Variants in CNIH3 observed in about 807,000 individuals in gnomAD.
CNIH3 encodes protein cornichon homolog 3.
CNIH3 carries 14 observed loss-of-function variants against 24.1 expected under a neutral mutation model. That is an observed-to-expected ratio of 0.58 (90% CI 0.38 to 0.91). CNIH3 has a LOEUF of 0.91. Among genes scored for constraint, CNIH3 ranks in the 40% least tolerant of loss-of-function variants. The probability of loss-of-function intolerance (pLI) is 0.00; values close to 1 mark genes in which losing one functional copy is unlikely to be tolerated. For missense variants in CNIH3, 178 were observed against 196.8 expected (o/e 0.90, Z 0.57); for synonymous variants, 68 against 73.8 (o/e 0.92, Z 0.40).
At chr1:224,712,097 A>G (rs890345535) in intron 3 of CNIH3, among the ~76,000 whole-genome samples, 5 of 152,072 alleles carry the variant, frequency 3.3e-5, no homozygotes, top group African/African-American at 1.2e-4. Context: ...CAGGTGCCAT[A>G]TCTTCCCTGG....
intron 4 of CNIH3, among the ~76,000 whole-genome samples, chr1:224,577,067 G>T (rs1681065724): frequency 6.6e-6 from 1 of 152,140 alleles, no homozygotes; most frequent in African/African-American, 2.4e-5. Flanking sequence ...ATCAACTTAA[G>T]ATGGATAAAG....
intron 1 of CNIH3, among the ~76,000 whole-genome samples, chr1:224,480,456 C>T (rs779696308): frequency 1.3e-5 from 2 of 152,228 alleles, no homozygotes; most frequent in Non-Finnish European, 2.9e-5. Context: ...AATCTGTCCT[C>T]AGAAAATGGG....
At chr1:224,518,149 C>T (rs917474103) in intron 1 of CNIH3, among the ~76,000 whole-genome samples, 1 of 152,074 alleles carries the variant, frequency 6.6e-6, no homozygotes, top group South Asian at 2.1e-4. Context: ...GCAGCAGAGC[C>T]GGCCCTCACC....
intron 3 of CNIH3, among the ~76,000 whole-genome samples, chr1:224,709,235 C>T (rs980897476): frequency 6.6e-6 from 1 of 151,990 alleles, no homozygotes; most frequent in Non-Finnish European, 1.5e-5. Flanking sequence ...CATCTTCTAG[C>T]GGCTCCAAAT....
intron 1 of CNIH3, among the ~76,000 whole-genome samples, chr1:224,656,336 C>T (rs1042080180): frequency 9.9e-5 from 15 of 152,154 alleles, no homozygotes; most frequent in Admixed American, 4.6e-4. Flanking sequence ...TTAACAGCAT[C>T]GATAAACCAA....
chr1:224,474,966 A>T (rs1370313516), intron 1 of CNIH3, among the ~76,000 whole-genome samples: 2 of 150,532 alleles, frequency 1.3e-5, no homozygotes, highest in African/African-American at 4.9e-5. Flanking sequence ...AATGGCGTGA[A>T]CCCGGGAGGC....
intron 1 of CNIH3, among the ~76,000 whole-genome samples, chr1:224,478,116 A>C (rs575363746): frequency 2.0e-5 from 3 of 152,066 alleles, no homozygotes; most frequent in African/African-American, 7.2e-5. Flanking sequence ...TGGGAGTTTG[A>C]TTATTAAATG....
chr1:224,674,662 G>A (rs1686048358), intron 1 of CNIH3, among the ~76,000 whole-genome samples: 2 of 152,062 alleles, frequency 1.3e-5, no homozygotes, highest in Non-Finnish European at 2.9e-5. Context: ...GCACCTTTTG[G>A]GCTGAACTTG....
chr1:224,574,790 GAAGGAATTT>G, intron 4 of CNIH3: 1 of 1,046,130 alleles, frequency 9.6e-7, no homozygotes, highest in South Asian at 1.3e-5. Flanking sequence ...TCAAGCCTGG[GAAGGAATTT>G]TTCCCATTGG....
intron 1 of CNIH3, among the ~76,000 whole-genome samples, chr1:224,448,274 G>C (rs1675247037): frequency 6.6e-6 from 1 of 152,072 alleles, no homozygotes; most frequent in South Asian, 2.1e-4. Flanking sequence ...ATAAACTGGA[G>C]ATCCTCACAG....
At chr1:224,574,749 G>T in intron 4 of CNIH3, 1 of 1,181,202 alleles carries the variant, frequency 8.5e-7, no homozygotes, top group Non-Finnish European at 1.3e-6. Flanking sequence ...GGACTACCTG[G>T]ACCTCTACCT....
chr1:224,693,458 C>G (rs535481166), intron 3 of CNIH3, among the ~76,000 whole-genome samples: 1 of 152,264 alleles, frequency 6.6e-6, no homozygotes, highest in South Asian at 2.1e-4. Context: ...TTCTGTTGAC[C>G]TTGGCTGCGC....
rs112208321 is a variant in CNIH3, at chr1:224,487,429, A to G, written n.204-28312A>G. On this transcript the variant is annotated intron_variant and non_coding_transcript_variant, in intron 1 of 5. Transcript: ENST00000471578. ...CTGTTCCTCTCTCTCTCACACACACATATTCCTTTTGATCTTTTACCCTCT... is the reference window on the plus strand; with the variant it reads ...CTGTTCCTCTCTCTCTCACACACACGTATTCCTTTTGATCTTTTACCCTCT... Among the ~76,000 whole-genome samples the G allele has an allele frequency of 7.0e-4, 107 of 152,214 alleles. 2 individuals are homozygous for G. The highest frequency in any genetic ancestry group is 2.5e-3 in the African/African-American group (103 of 41,510).
intron 3 of CNIH3, among the ~76,000 whole-genome samples, chr1:224,706,958 C>CTTTTTTTTT (rs71170031): frequency 1.4e-3 from 113 of 82,146 alleles, no homozygotes; most frequent in Middle Eastern, 9.6e-3. Context: ...TCCTTTCTTT[C>CTTTTTTTTT]TTTTTTTTTT....
chr1:224,626,411 C>G (rs1040677210), intron 1 of CNIH3, among the ~76,000 whole-genome samples: 3 of 152,214 alleles, frequency 2.0e-5, no homozygotes, highest in African/African-American at 7.2e-5. Context: ...AATGATCAGA[C>G]TCGCAAATAT....
At chr1:224,618,952 C>A (rs1683158575) in intron 1 of CNIH3, among the ~76,000 whole-genome samples, 1 of 152,228 alleles carries the variant, frequency 6.6e-6, no homozygotes, top group Non-Finnish European at 1.5e-5. Context: ...CATGCCCAAG[C>A]AGTGCAGCAA....
intron 2 of CNIH3, among the ~76,000 whole-genome samples, chr1:224,545,334 A>T (rs184177387): frequency 7.2e-4 from 109 of 152,252 alleles, no homozygotes; most frequent in African/African-American, 2.5e-3. Flanking sequence ...TCTCATCTTA[A>T]TTCAGTCCCT....
intron 3 of CNIH3, among the ~76,000 whole-genome samples, chr1:224,691,296 C>T (rs1027199320): frequency 1.4e-5 from 2 of 147,192 alleles, no homozygotes; most frequent in African/African-American, 5.1e-5. Context: ...AGCAACTCAG[C>T]CTGGTCTCCG....
At chr1:224,721,556 A>G (rs553530362) in intron 3 of CNIH3, among the ~76,000 whole-genome samples, 94 of 152,354 alleles carry the variant, frequency 6.2e-4, no homozygotes, top group African/African-American at 2.1e-3. Context: ...TAGGTAGTTC[A>G]GTAATTTAAC....
Sources: gnomAD v4.1 joint callset for allele counts (sites outside exome capture counted in the v4.1 genomes callset) on GRCh38, gnomAD v4.1.1 for gene constraint, MANE v1.5 for transcripts, NCBI Gene and HGNC (gene_info 2026-07-23, HGNC 2026-07-21) for gene names.